The following SOCS1 variants were observed in gnomAD, a reference collection of about 807,000 sequenced individuals.
SOCS1 encodes the protein JAK binding protein.
A neutral mutation model predicts 9.7 loss-of-function variants in SOCS1; 3 were observed. That is an observed-to-expected ratio of 0.31 (90% CI 0.14 to 0.80). SOCS1 has a LOEUF of 0.80. Among genes scored for constraint, SOCS1 ranks in the 30% least tolerant of loss-of-function variants. The probability of loss-of-function intolerance (pLI) is 0.61; values close to 1 mark genes in which losing one functional copy is unlikely to be tolerated. For missense variants in SOCS1, 368 were observed against 324.7 expected, an observed-to-expected ratio of 1.13 and a Z score of -1.02; for synonymous variants, 194 against 150.2, an observed-to-expected ratio of 1.29 and a Z score of -2.13.
At position 11,255,269 on chromosome 16, in the gene SOCS1, G is replaced by A. The variant is rs558823996; in HGVS notation, c.210C>T (p.Ala70=). 3.4e-4 allele frequency: 529 copies of A among 1,542,772 alleles called. 1 individual carries two copies. Among genetic ancestry groups the A allele is most frequent in the Non-Finnish European group, 4.3e-4 (500 of 1,150,546 alleles). The stretch of plus-strand genomic sequence containing the variant: ...ATCCGCAGGCGTCCAGGAGCGCGCT[G>A]GCGCGCGTGATGCGCCGGTAATCGG... The part of the protein sequence containing the change: ...SHADYRRITR[A]SALLDACGFY... Residue 70 remains alanine, a synonymous_variant, in exon 2 of 2, where the codon GCC becomes GCT. Coordinates refer to ENST00000332029, the MANE Select transcript of SOCS1 (RefSeq NM_003745.2).
At position 11,255,520 on chromosome 16, in the gene SOCS1, G is replaced by A. The variant is rs540319626; in HGVS notation, c.-42C>T. Reference sequence around the variant, plus strand: ...GCCGGAGGGGTGGGCCATAGCGTCCGGGGGTGCGCTGCGGGAGAGACAAAG... The same window carrying A: ...GCCGGAGGGGTGGGCCATAGCGTCCAGGGGTGCGCTGCGGGAGAGACAAAG... On this transcript the variant is annotated 5_prime_UTR_variant, in exon 2 of 2. Coordinates refer to ENST00000332029, the MANE Select transcript of SOCS1 (RefSeq NM_003745.2). The A allele has an allele frequency of 3.4e-6, 4 of 1,179,026 alleles. No individual in the cohort carries two copies. Among genetic ancestry groups the A allele is most frequent in the Non-Finnish European group, 3.2e-6 (3 of 935,484 alleles). The allele number at this position is 1,179,026 out of a possible 1,614,324, so 73.0% of individuals were successfully genotyped here.
rs2141125005 is a variant in SOCS1, at chr16:11,255,224, G to A, written c.255C>T (p.Ser85=). 2.5e-6 allele frequency: 4 copies of A among 1,573,172 alleles called. No homozygotes were observed. Among genetic ancestry groups the A allele is most frequent in the Non-Finnish European group, 3.4e-6 (4 of 1,165,920 alleles). ...GCAGCCGCTCGTGCGCCCCGTGCAC[G>A]CTCAGGGGCCCCCAGTAGAATCCGC... The part of the protein sequence containing the change: ...DACGFYWGPL[S]VHGAHERLRA... Residue 85 remains serine (S), a synonymous_variant, in exon 2 of 2, where the codon AGC becomes AGT. Coordinates refer to ENST00000332029, the MANE Select transcript of SOCS1 (RefSeq NM_003745.2).
chr16:11,255,418 G>C lies in SOCS1; in HGVS notation c.61C>G (p.Arg21Gly). The change falls in exon 2 of 2, where the codon CGG (arginine) becomes GGG (glycine). Residue 21 changes from arginine (R) to glycine (G), a missense_variant. Coordinates refer to ENST00000332029, the MANE Select transcript of SOCS1 (RefSeq NM_003745.2). ...GAAGAGGAGGAAGGTTCTGGCCGCC[G>C]TCGGGGCTCTGCTGCTGTGGAGACT... ...NAVSTAAEPR[R>G]RPEPSSSSSS... 7.5e-7 allele frequency: 1 copy of C among 1,329,864 alleles called. No homozygotes were observed. The highest frequency in any genetic ancestry group is 9.6e-7 in the Non-Finnish European group (1 of 1,045,318). 82.4% of individuals were successfully genotyped at this position (1,329,864 alleles called of 1,614,324 possible).
At position 11,254,888 on chromosome 16, in the gene SOCS1, G is replaced by A. The variant is rs767204015; in HGVS notation, c.591C>T (p.Asn197=). The A allele has an allele frequency of 1.3e-6, 2 of 1,503,090 alleles. No homozygotes were observed. The highest frequency in any genetic ancestry group is 1.8e-6 in the Non-Finnish European group (2 of 1,135,598). 93.1% of individuals were successfully genotyped at this position (1,503,090 alleles called of 1,614,324 possible). ...GRENLARIPL[N]PVLRDYLSSF... The stretch of plus-strand genomic sequence containing the variant: ...AGCTCAGGTAGTCGCGGAGGACGGG[G>A]TTGAGGGGGATGCGAGCCAGGTTCT... Residue 197 remains asparagine (N), a synonymous_variant, in exon 2 of 2, where the codon AAC becomes AAT. Coordinates refer to ENST00000332029, the MANE Select transcript of SOCS1 (RefSeq NM_003745.2).
chr16:11,255,625 G>T, intron 1 of SOCS1, 97 bp from the exon 2 acceptor site: 2 of 415,376 alleles, frequency 4.8e-6, no homozygotes, highest in Non-Finnish European at 8.2e-6. Context: ...CGGCGGACCC[G>T]GCCCTAGGGG....
At position 11,254,887 on chromosome 16, in the gene SOCS1, G is replaced by C. The variant is rs908371227; in HGVS notation, c.592C>G (p.Pro198Ala). The C allele has an allele frequency of 2.0e-6, 3 of 1,502,222 alleles. No individual in the cohort carries two copies. Among genetic ancestry groups the C allele is most frequent in the South Asian group, 1.4e-5 (1 of 73,750 alleles). 93.1% of individuals were successfully genotyped at this position (1,502,222 alleles called of 1,614,324 possible). Residue 198 changes from proline to alanine, a missense_variant, in exon 2 of 2, where the codon CCC becomes GCC. Transcript: ENST00000332029. ...RENLARIPLN[P>A]VLRDYLSSFP... The stretch of plus-strand genomic sequence containing the variant: ...GAGCTCAGGTAGTCGCGGAGGACGG[G>C]GTTGAGGGGGATGCGAGCCAGGTTC...
Position 11,255,198 on chromosome 16 carries a change from C to T in SOCS1, c.281G>A (p.Arg94His). 1 of 1,582,000 alleles carries T rather than the reference C, an allele frequency of 6.3e-7. No individual in the cohort carries two copies. The highest frequency in any genetic ancestry group is 8.5e-7 in the Non-Finnish European group (1 of 1,170,358). ...LSVHGAHERL[R>H]AEPVGTFLVR... is the part of the protein sequence containing the mutation. Reference sequence around the variant, plus strand: ...CAGGAAGGTGCCCACGGGCTCGGCGCGCAGCCGCTCGTGCGCCCCGTGCAC... The same window carrying T: ...CAGGAAGGTGCCCACGGGCTCGGCGTGCAGCCGCTCGTGCGCCCCGTGCAC... Residue 94 changes from arginine to histidine, a missense_variant, in exon 2 of 2, where the codon CGC (arginine) becomes CAC (histidine). Physicochemically the swap from Arg to His is conservative, Grantham distance 29. Transcript: ENST00000332029.
chr16:11,255,290 A>T lies in SOCS1; in HGVS notation c.189T>A (p.Asp63Glu), dbSNP rs866594387. The change falls in exon 2 of 2, where the codon GAT (aspartate) becomes GAA (glutamate). Residue 63 changes from aspartate to glutamate, a missense_variant. Transcript: ENST00000332029. ...THFRTFRSHA[D>E]YRRITRASAL... The stretch of plus-strand genomic sequence containing the variant: ...CGCTGGCGCGCGTGATGCGCCGGTA[A>T]TCGGCGTGCGAACGGAATGTGCGGA... 12 of 1,530,360 alleles carry T rather than the reference A, an allele frequency of 7.8e-6. No homozygotes were observed. The highest frequency in any genetic ancestry group is 1.7e-4 in the Middle Eastern group (1 of 5,718). The allele number at this position is 1,530,360 out of a possible 1,614,324, so 94.8% of individuals were successfully genotyped here. A position where few individuals can be genotyped will look rare whatever the true frequency, so the allele number is the denominator to read the frequency against.
In SOCS1 at chr16:11,254,672, G is replaced by T; in HGVS notation, c.*171C>A. 2 of 927,680 alleles carry T rather than the reference G, an allele frequency of 2.2e-6. No homozygotes were observed. The highest frequency in any genetic ancestry group is 2.9e-6 in the Non-Finnish European group (2 of 687,712). The allele number at this position is 927,680 out of a possible 1,614,324, so 57.5% of individuals were successfully genotyped here. A position where few individuals can be genotyped will look rare whatever the true frequency, so the allele number is the denominator to read the frequency against. ...GAGGGGGAGGACCCCCTCAAGAGGTGAGAAGGGGTCTGCGGCCTCGTCTCC... is the reference window on the plus strand; with the variant it reads ...GAGGGGGAGGACCCCCTCAAGAGGTTAGAAGGGGTCTGCGGCCTCGTCTCC... On this transcript the variant is annotated 3_prime_UTR_variant, in exon 2 of 2. Transcript: ENST00000332029.
Position 11,254,870 on chromosome 16 carries a change from G to A in SOCS1, c.609C>T (p.Tyr203=), listed in dbSNP as rs1567455242. 2 of 1,492,178 alleles carry A rather than the reference G, an allele frequency of 1.3e-6. No homozygotes were observed. The highest frequency in any genetic ancestry group is 1.8e-6 in the Non-Finnish European group (2 of 1,130,762). The allele number at this position is 1,492,178 out of a possible 1,614,324, so 92.4% of individuals were successfully genotyped here. The part of the protein sequence containing the change: ...RIPLNPVLRD[Y]LSSFPFQI Reference sequence around the variant, plus strand: ...AAATCTGGAAGGGGAAGGAGCTCAGGTAGTCGCGGAGGACGGGGTTGAGGG... The same window carrying A: ...AAATCTGGAAGGGGAAGGAGCTCAGATAGTCGCGGAGGACGGGGTTGAGGG... Residue 203 remains tyrosine, a synonymous_variant, in exon 2 of 2, where the codon TAC becomes TAT. Transcript: ENST00000332029.
Position 11,256,106 on chromosome 16 carries a change from G to C in SOCS1, c.-78C>G, listed in dbSNP as rs956043315. On this transcript the variant is annotated 5_prime_UTR_variant, in exon 1 of 2. Coordinates refer to ENST00000332029, the MANE Select transcript of SOCS1 (RefSeq NM_003745.2). The stretch of plus-strand genomic sequence containing the variant: ...GGCGGCGGGGCGCGGGACGCCGCGG[G>C]CGGGACGGCGGGGGGCTCCGGGGCG... The C allele has an allele frequency of 1.3e-5, 2 of 151,528 alleles. No individual in the cohort carries two copies. The highest frequency in any genetic ancestry group is 6.6e-5 in the Admixed American group (1 of 15,180). The allele number at this position is 151,528 out of a possible 1,614,324, so 9.4% of individuals were successfully genotyped here.
chr16:11,255,575 A>C, intron 1 of SOCS1, 47 bp from the exon 2 acceptor site: 2 of 771,496 alleles, frequency 2.6e-6, no homozygotes, highest in Non-Finnish European at 3.5e-6. Flanking sequence ...GGGGCCGGGC[A>C]GGTGTGCGCC....
In SOCS1 at chr16:11,255,174, AG is replaced by A; in HGVS notation, c.304del (p.Leu102TrpfsTer16). The part of the protein sequence containing the change: ...RLRAEPVGTF[L>X]VRDSRQRNCF... Reference sequence around the variant, plus strand: ...GTTCCGCTGGCGGCTGTCGCGCACCAGGAAGGTGCCCACGGGCTCGGCGCGC... The same window carrying A: ...GTTCCGCTGGCGGCTGTCGCGCACCAGAAGGTGCCCACGGGCTCGGCGCGC... On this transcript the variant is annotated frameshift_variant, in exon 2 of 2. Coordinates refer to ENST00000332029, the MANE Select transcript of SOCS1 (RefSeq NM_003745.2). LOFTEE classifies it high-confidence loss of function. 6.3e-7 allele frequency: 1 copy of A among 1,596,328 alleles called. No individual in the cohort carries two copies. The highest frequency in any genetic ancestry group is 8.5e-7 in the Non-Finnish European group (1 of 1,175,884).
In SOCS1 at chr16:11,255,209, G is replaced by A. The variant is rs775497033; in HGVS notation, c.270C>T (p.His90=). 3 of 1,577,850 alleles carry A rather than the reference G, an allele frequency of 1.9e-6. No homozygotes were observed. The highest frequency in any genetic ancestry group is 2.3e-5 in the South Asian group (2 of 87,876). ...YWGPLSVHGA[H]ERLRAEPVGT... Reference sequence around the variant, plus strand: ...CCACGGGCTCGGCGCGCAGCCGCTCGTGCGCCCCGTGCACGCTCAGGGGCC... The same window carrying A: ...CCACGGGCTCGGCGCGCAGCCGCTCATGCGCCCCGTGCACGCTCAGGGGCC... The change falls in exon 2 of 2, where the codon CAC becomes CAT. Residue 90 remains histidine, a synonymous_variant. Coordinates refer to ENST00000332029, the MANE Select transcript of SOCS1 (RefSeq NM_003745.2).
rs776843433 is a variant in SOCS1, at chr16:11,255,363, G to C, written c.116C>G (p.Pro39Arg). 3.4e-5 allele frequency: 46 copies of C among 1,340,994 alleles called. No homozygotes were observed. The South Asian group carries it at 9.5e-4, about 28-fold the overall frequency. The allele number at this position is 1,340,994 out of a possible 1,614,324, so 83.1% of individuals were successfully genotyped here. Reference protein sequence around the residue: ...SSSSPAAPARPRPCPAVPAPA... With the variant: ...SSSSPAAPARRRPCPAVPAPA... ...GGCCGGGACCGCGGGGCACGGCCGC[G>C]GGCGCGCGGGGGCCGCGGGCGAGGA... The change falls in exon 2 of 2, where the codon CCG (proline) becomes CGG (arginine). Residue 39 changes from proline to arginine, a missense_variant. By Grantham distance (103) the Pro-to-Arg change is moderately radical. Coordinates refer to ENST00000332029, the MANE Select transcript of SOCS1 (RefSeq NM_003745.2).
rs1205089168 is a variant in SOCS1 at position 11,254,545 on chromosome 16, G to A, written c.*298C>T. ...ACCCCTGGTTTGTGCAAAGATACTGGGTATATGTAAACATGAAGAGGTAGG... is the reference window on the plus strand; with the variant it reads ...ACCCCTGGTTTGTGCAAAGATACTGAGTATATGTAAACATGAAGAGGTAGG... On this transcript the variant is annotated 3_prime_UTR_variant, in exon 2 of 2. Transcript: ENST00000332029. The A allele has an allele frequency of 3.0e-6, 1 of 327,940 alleles. No homozygotes were observed. The allele number at this position is 327,940 out of a possible 1,614,324, so 20.3% of individuals were successfully genotyped here. A position where few individuals can be genotyped will look rare whatever the true frequency, so the allele number is the denominator to read the frequency against.
In SOCS1 at chr16:11,254,882, G is replaced by A. The variant is rs139221703; in HGVS notation, c.597C>T (p.Val199=). Residue 199 remains valine (V), a synonymous_variant, in exon 2 of 2, where the codon GTC becomes GTT. Transcript: ENST00000332029. ...GGAAGGAGCTCAGGTAGTCGCGGAG[G>A]ACGGGGTTGAGGGGGATGCGAGCCA... is the stretch of plus-strand genomic sequence containing the variant. ...ENLARIPLNP[V]LRDYLSSFPF... is the part of the protein sequence containing the mutation. 2.8e-4 allele frequency: 416 copies of A among 1,494,838 alleles called. 1 individual carries two copies. The African/African-American group carries it at 5.3e-3, about 19-fold the overall frequency. The allele number at this position is 1,494,838 out of a possible 1,614,324, so 92.6% of individuals were successfully genotyped here. A position where few individuals can be genotyped will look rare whatever the true frequency, so the allele number is the denominator to read the frequency against.
intron 1 of SOCS1, 166 bp from the exon 2 acceptor site, chr16:11,255,694 A>C (rs570572230): frequency 2.8e-6 from 1 of 362,410 alleles, no homozygotes; most frequent in Admixed American, 4.6e-5. Flanking sequence ...CACAGCTAGA[A>C]AATGGGCTCT....
At position 11,254,876 on chromosome 16, in the gene SOCS1, G is replaced by A. The variant is rs1304093015; in HGVS notation, c.603C>T (p.Arg201=). The change falls in exon 2 of 2, where the codon CGC becomes CGT. Residue 201 remains arginine (R), a synonymous_variant. Transcript: ENST00000332029. ...GGAAGGGGAAGGAGCTCAGGTAGTC[G>A]CGGAGGACGGGGTTGAGGGGGATGC... ...LARIPLNPVL[R]DYLSSFPFQI is the part of the protein sequence containing the mutation. 4 of 1,491,724 alleles carry A rather than the reference G, an allele frequency of 2.7e-6. No individual in the cohort carries two copies. Among genetic ancestry groups the A allele is most frequent in the Admixed American group, 5.5e-5 (2 of 36,686 alleles). The allele number at this position is 1,491,724 out of a possible 1,614,324, so 92.4% of individuals were successfully genotyped here. A position where few individuals can be genotyped will look rare whatever the true frequency, so the allele number is the denominator to read the frequency against.
Sources: gnomAD v4.1 joint callset for allele counts on GRCh38, gnomAD v4.1.1 for gene constraint, MANE v1.5 for transcripts, NCBI Gene and HGNC (gene_info 2026-07-23, HGNC 2026-07-21) for gene names.